QNG1: variants seen among roughly 807,000 people sequenced by gnomAD.
The protein encoded by QNG1 is queuosine 5'-phosphate N-glycosylase/hydrolase.
At chr9:83,953,997 C>T in the QNG1 span, among the ~76,000 whole-genome samples, 2 of 151,874 alleles carry the variant, frequency 1.3e-5, no homozygotes, top group Admixed American at 6.6e-5. Context: ...CGGGTTCAAG[C>T]GATTCTCCTG....
the QNG1 span, chr9:83,939,542 G>A: frequency 9.9e-6 from 16 of 1,613,694 alleles, no homozygotes; most frequent in African/African-American, 2.7e-5. Flanking sequence ...GCGATGAAAC[G>A]GAATTCCTTT....
the QNG1 span, among the ~76,000 whole-genome samples, chr9:83,941,907 A>G: frequency 3.0e-4 from 42 of 138,740 alleles, no homozygotes; most frequent in African/African-American, 1.0e-3. Flanking sequence ...ACTCCGTCTC[A>G]AAAAAAAAAA....
At chr9:83,938,540 C>T in the QNG1 span, 1 of 151,988 alleles carries the variant, frequency 6.6e-6, no homozygotes, top group Admixed American at 6.6e-5. Flanking sequence ...AAATTACACA[C>T]CTCAAGAAAA....
chr9:83,955,112 T>A, the QNG1 span, among the ~76,000 whole-genome samples: 1 of 151,778 alleles, frequency 6.6e-6, no homozygotes, highest in East Asian at 1.9e-4. Context: ...GGCAGGAGAA[T>A]CGCTTGAACC....
the QNG1 span, among the ~76,000 whole-genome samples, chr9:83,952,545 C>G: frequency 6.6e-6 from 1 of 152,044 alleles, no homozygotes; most frequent in African/African-American, 2.4e-5. Flanking sequence ...CCTGTAATCC[C>G]AGCACTTTTG....
chr9:83,948,688 T>A, the QNG1 span, among the ~76,000 whole-genome samples: 1 of 152,194 alleles, frequency 6.6e-6, no homozygotes. Context: ...AGGGATCGGA[T>A]TGTTACTGTG....
the QNG1 span, chr9:83,944,889 C>G: frequency 1.2e-6 from 2 of 1,613,636 alleles, no homozygotes; most frequent in Non-Finnish European, 1.7e-6. Flanking sequence ...CATGGTGATA[C>G]TGGAGATGTC....
the QNG1 span, among the ~76,000 whole-genome samples, chr9:83,946,240 G>C: frequency 1.3e-5 from 2 of 151,934 alleles, no homozygotes; most frequent in African/African-American, 4.8e-5. Context: ...GAGTGGCAGA[G>C]GTTGCAGTGA....
the QNG1 span, among the ~76,000 whole-genome samples, chr9:83,951,191 A>G: frequency 2.0e-5 from 3 of 152,198 alleles, no homozygotes; most frequent in Non-Finnish European, 2.9e-5. Flanking sequence ...AATCGCTTCA[A>G]CTTGGGAGGC....
At chr9:83,943,354 A>G in the QNG1 span, among the ~76,000 whole-genome samples, 2 of 149,068 alleles carry the variant, frequency 1.3e-5, no homozygotes, top group African/African-American at 5.0e-5. Flanking sequence ...AAAAAAAAAA[A>G]AAAAGAAAGA....
chr9:83,956,081 G>A, the QNG1 span: 9 of 1,394,374 alleles, frequency 6.5e-6, no homozygotes, highest in African/African-American at 1.4e-5. Flanking sequence ...CTCCCAACCC[G>A]CTCCTTGGAA....
the QNG1 span, chr9:83,956,853 A>C: frequency 4.5e-6 from 1 of 223,376 alleles, no homozygotes. Flanking sequence ...TGAGTTGCCC[A>C]CCCTGGGAGG....
chr9:83,941,418 C>T, the QNG1 span, among the ~76,000 whole-genome samples: 6 of 152,114 alleles, frequency 3.9e-5, no homozygotes, highest in Non-Finnish European at 8.8e-5. Flanking sequence ...CCCTTCTCTA[C>T]AAAAAATGGA....
the QNG1 span, among the ~76,000 whole-genome samples, chr9:83,943,340 A>C: frequency 4.0e-5 from 3 of 75,338 alleles, no homozygotes; most frequent in South Asian, 1.6e-3. Context: ...TCAAAAAAAA[A>C]AAAAAAAAAA....
the QNG1 span, among the ~76,000 whole-genome samples, chr9:83,943,735 A>G: frequency 3.9e-5 from 6 of 152,170 alleles, no homozygotes; most frequent in Admixed American, 6.5e-5. Flanking sequence ...TTAAAAAAAT[A>G]CATAAGGCCG....
the QNG1 span, among the ~76,000 whole-genome samples, chr9:83,946,783 G>C: frequency 6.6e-6 from 1 of 152,314 alleles, no homozygotes; most frequent in South Asian, 2.1e-4. Flanking sequence ...TATTTCAGTA[G>C]AGATGGGGTT....
chr9:83,954,507 G>A, the QNG1 span, among the ~76,000 whole-genome samples: 5 of 152,102 alleles, frequency 3.3e-5, no homozygotes, highest in East Asian at 3.9e-4. Flanking sequence ...GCTTGAACCC[G>A]GGAGGCGGAG....
At chr9:83,948,489 G>A in the QNG1 span, among the ~76,000 whole-genome samples, 6 of 146,904 alleles carry the variant, frequency 4.1e-5, no homozygotes, top group African/African-American at 1.0e-4. Flanking sequence ...GGGCGCCTCC[G>A]CCCGGCCACC....
chr9:83,955,731 C>A, the QNG1 span: 1 of 1,228,926 alleles, frequency 8.1e-7, no homozygotes, highest in South Asian at 1.4e-5. Context: ...AATATGAAAC[C>A]AAATGAGTGG....
Sources: gnomAD v4.1 joint callset for allele counts (sites outside exome capture counted in the v4.1 genomes callset) on GRCh38, gnomAD v4.1.1 for gene constraint, MANE v1.5 for transcripts, NCBI Gene and HGNC (gene_info 2026-07-23, HGNC 2026-07-21) for gene names.